The following COMMD1 variants were observed in gnomAD, a reference collection of about 807,000 sequenced individuals.
The protein encoded by COMMD1 is COMM domain-containing protein 1.
A neutral mutation model predicts 17.2 loss-of-function variants in COMMD1; 10 were observed. The ratio of observed to expected loss-of-function variants is 0.58; its 90% CI spans 0.36 to 0.99. The LOEUF is 0.99. Ranked by LOEUF, COMMD1 falls within the 50% of genes least tolerant of loss-of-function variation. The probability of loss-of-function intolerance (pLI) is 0.01; values close to 1 mark genes in which losing one functional copy is unlikely to be tolerated. For synonymous variants in COMMD1, 97 were observed against 91.6 expected, an observed-to-expected ratio of 1.06 and a Z score of -0.34; for missense variants, 270 against 231.8, an observed-to-expected ratio of 1.17 and a Z score of -1.07.
intron 1 of COMMD1, among the ~76,000 whole-genome samples, chr2:61,913,604 A>C (rs976437007): frequency 8.8e-5 from 13 of 147,870 alleles, no homozygotes; most frequent in African/African-American, 3.2e-4. Context: ...CTCTACTAAA[A>C]ATTGGCTCTA....
At chr2:62,113,826 A>T (rs1672520124) in intron 2 of COMMD1, among the ~76,000 whole-genome samples, 1 of 152,280 alleles carries the variant, frequency 6.6e-6, no homozygotes, top group Non-Finnish European at 1.5e-5. Flanking sequence ...TTTGCTCTAT[A>T]AATGGCAGAA....
intron 2 of COMMD1, among the ~76,000 whole-genome samples, chr2:62,027,210 T>A (rs1157990986): frequency 6.6e-6 from 1 of 152,238 alleles, no homozygotes; most frequent in Admixed American, 6.5e-5. Context: ...TTCTGAATTA[T>A]GTGGACTGTA....
rs116748712 is a variant in COMMD1 at position 61,909,521 on chromosome 2, A to G, written c.180+3663A>G. Among the ~76,000 whole-genome samples, 1,151 of 152,332 alleles carry G rather than the reference A, an allele frequency of 7.6e-3. 13 individuals are homozygous for G. The highest frequency in any genetic ancestry group is 0.026 in the African/African-American group (1,087 of 41,574). ...GGTGGGGTAGGAAAAAAGCAGGTTC[A>G]GGAAATGGTGAATAGTCCAGTTTGA... On this transcript the variant is annotated intron_variant, in intron 1 of 2. Transcript: ENST00000311832.
chr2:61,898,077 T>C (rs1558514058), intron 1 of COMMD1, among the ~76,000 whole-genome samples: 1 of 152,214 alleles, frequency 6.6e-6, no homozygotes, highest in Non-Finnish European at 1.5e-5. Context: ...AATAATTTAT[T>C]TACATGTAAT....
intron 2 of COMMD1, among the ~76,000 whole-genome samples, chr2:62,018,248 G>A (rs888173355): frequency 2.6e-5 from 4 of 152,140 alleles, no homozygotes; most frequent in Admixed American, 1.3e-4. Flanking sequence ...TTTAGGGAAG[G>A]TATAAATTGA....
At chr2:61,913,592 A>AGCTCTACTAAAAATTG (rs1465688030) in intron 1 of COMMD1, among the ~76,000 whole-genome samples, 21 of 150,268 alleles carry the variant, frequency 1.4e-4, no homozygotes, top group African/African-American at 3.2e-4. Flanking sequence ...ACTAAAAATT[A>AGCTCTACTAAAAATTG]GCTCTACTAA....
intron 1 of COMMD1, among the ~76,000 whole-genome samples, chr2:61,926,270 G>T (rs574916170): frequency 1.3e-5 from 2 of 152,028 alleles, no homozygotes; most frequent in African/African-American, 4.8e-5. Context: ...TGCGTCTGGC[G>T]AGTTAGTGTT....
chr2:62,095,008 C>T (rs1165981060), intron 2 of COMMD1, among the ~76,000 whole-genome samples: 1 of 152,190 alleles, frequency 6.6e-6, no homozygotes. Context: ...GTCAAGCTGA[C>T]CAACTTCTTT....
At chr2:61,970,217 C>T (rs547484709) in intron 1 of COMMD1, among the ~76,000 whole-genome samples, 11 of 148,742 alleles carry the variant, frequency 7.4e-5, no homozygotes, top group South Asian at 4.3e-4. Flanking sequence ...GAGATCACAC[C>T]GCTGCATTCC....
chr2:62,041,798 C>T (rs980158567), intron 2 of COMMD1, among the ~76,000 whole-genome samples: 5 of 152,174 alleles, frequency 3.3e-5, no homozygotes, highest in Non-Finnish European at 4.4e-5. Context: ...TCCGGAGTTT[C>T]TTCCTTCCGG....
At chr2:61,999,258 G>A (rs1466205748) in intron 1 of COMMD1, among the ~76,000 whole-genome samples, 3 of 152,258 alleles carry the variant, frequency 2.0e-5, no homozygotes, top group South Asian at 2.1e-4. Flanking sequence ...CAAATTTAAG[G>A]CATGTTACTA....
intron 2 of COMMD1, among the ~76,000 whole-genome samples, chr2:62,028,471 C>A (rs1669827986): frequency 6.6e-6 from 1 of 152,060 alleles, no homozygotes; most frequent in Non-Finnish European, 1.5e-5. Flanking sequence ...GTACTATTTT[C>A]CTTCTAACTG....
chr2:61,931,173 G>A (rs1039119829), intron 1 of COMMD1, among the ~76,000 whole-genome samples: 27 of 151,998 alleles, frequency 1.8e-4, no homozygotes, highest in African/African-American at 6.3e-4. Context: ...TTAGCCGGGT[G>A]TGGTGGTGCG....
chr2:62,019,072 TTC>T (rs1204962928), intron 2 of COMMD1, among the ~76,000 whole-genome samples: 1 of 105,084 alleles, frequency 9.5e-6, no homozygotes, highest in East Asian at 3.5e-4. Flanking sequence ...CTCTCTCTCT[TTC>T]TCTCTCTCTT....
upstream of COMMD1, chr2:61,888,484 C>T (rs767859743): frequency 6.2e-7 from 1 of 1,611,982 alleles, no homozygotes; most frequent in Non-Finnish European, 8.5e-7. Flanking sequence ...TCGCCCCGCT[C>T]CGGGGTGCCA....
upstream of COMMD1, chr2:61,888,636 G>C (rs547525529): frequency 3.5e-4 from 395 of 1,130,876 alleles, 2 homozygotes; most frequent in Middle Eastern, 6.0e-4. Flanking sequence ...CCGGCGTCGG[G>C]AGGAGGCGGA....
At chr2:61,910,367 C>T (rs1669874117) in intron 1 of COMMD1, among the ~76,000 whole-genome samples, 1 of 151,764 alleles carries the variant, frequency 6.6e-6, no homozygotes, top group Non-Finnish European at 1.5e-5. Flanking sequence ...TCTGCCTCAA[C>T]CTCCTGAGTA....
chr2:61,942,744 G>A (rs916239212), intron 1 of COMMD1, among the ~76,000 whole-genome samples: 3 of 145,996 alleles, frequency 2.1e-5, no homozygotes, highest in Non-Finnish European at 4.5e-5. Flanking sequence ...CACCATGTTG[G>A]CCAGGCTGGT....
At chr2:62,050,826 C>G (rs1188921711) in intron 2 of COMMD1, among the ~76,000 whole-genome samples, 1 of 152,112 alleles carries the variant, frequency 6.6e-6, no homozygotes, top group Non-Finnish European at 1.5e-5. Context: ...AGTCGAAGAA[C>G]ATGAACTTTT....
Sources: gnomAD v4.1 joint callset for allele counts (sites outside exome capture counted in the v4.1 genomes callset) on GRCh38, gnomAD v4.1.1 for gene constraint, MANE v1.5 for transcripts, NCBI Gene and HGNC (gene_info 2026-07-23, HGNC 2026-07-21) for gene names.